Variants in DAGLA observed in about 807,000 individuals in gnomAD.
DAGLA encodes diacylglycerol lipase-alpha.
DAGLA carries 22 observed loss-of-function variants against 102.6 expected under a neutral mutation model. That is an observed-to-expected ratio of 0.21 (90% CI 0.15 to 0.31). The LOEUF (loss-of-function observed/expected upper bound fraction) is 0.31, where lower values mean the gene tolerates loss of function less well. Among genes scored for constraint, DAGLA ranks in the 10% least tolerant of loss-of-function variants. The probability of loss-of-function intolerance (pLI) is 1.00; values close to 1 mark genes in which losing one functional copy is unlikely to be tolerated. For synonymous variants in DAGLA, 578 were observed against 628.9 expected, an observed-to-expected ratio of 0.92 and a Z score of 1.21; for missense variants, 927 against 1,446.6, an observed-to-expected ratio of 0.64 and a Z score of 5.83.
At chr11:61,706,567 G>T (rs912501632) in intron 1 of DAGLA, among the ~76,000 whole-genome samples, 1 of 152,164 alleles carries the variant, frequency 6.6e-6, no homozygotes, top group Admixed American at 6.5e-5. Flanking sequence ...AAACAGGCGG[G>T]GGGTGCACCC....
At chr11:61,682,396 G>A (rs543298707) in intron 1 of DAGLA, among the ~76,000 whole-genome samples, 1 of 152,288 alleles carries the variant, frequency 6.6e-6, no homozygotes, top group Admixed American at 6.5e-5. Flanking sequence ...CCTGTCATAG[G>A]GAATTAGAGG....
intron 19 of DAGLA, among the ~76,000 whole-genome samples, chr11:61,742,068 C>A (rs1261148591): frequency 6.6e-6 from 1 of 152,224 alleles, no homozygotes; most frequent in East Asian, 1.9e-4. Context: ...AAGACACACA[C>A]CAAGACAAAG....
In DAGLA at chr11:61,706,442, G is replaced by A. The variant is rs145514973; in HGVS notation, c.-44-13670G>A. On this transcript the variant is annotated intron_variant, in intron 1 of 19. Transcript: ENST00000257215. ...GAGGTGCAAGTTGGAGGAAGCTCTAGGTTTGGAAGCCATCTCCCTCAGTGT... is the reference window on the plus strand; with the variant it reads ...GAGGTGCAAGTTGGAGGAAGCTCTAAGTTTGGAAGCCATCTCCCTCAGTGT... 2.7e-3 allele frequency among the ~76,000 whole-genome samples: 406 copies of A among 152,340 alleles called. 2 individuals are homozygous for A. Among genetic ancestry groups the A allele is most frequent in the African/African-American group, 9.2e-3 (381 of 41,572 alleles).
intron 10 of DAGLA, 61 bp from the exon 11 acceptor site, chr11:61,735,500 C>T: frequency 2.0e-6 from 3 of 1,486,712 alleles, no homozygotes; most frequent in Non-Finnish European, 2.8e-6. Flanking sequence ...CTGCCTAGGT[C>T]ACTTTCCCTG....
intron 5 of DAGLA, among the ~76,000 whole-genome samples, chr11:61,725,366 A>G (rs2065316606): frequency 6.6e-6 from 1 of 152,184 alleles, no homozygotes; most frequent in Non-Finnish European, 1.5e-5. Flanking sequence ...GGGGGGTGAG[A>G]ATAGACAAGG....
intron 15 of DAGLA, 48 bp from the exon 16 acceptor site, chr11:61,738,087 A>G: frequency 6.6e-7 from 1 of 1,511,064 alleles, no homozygotes. Flanking sequence ...TACCTCTCAT[A>G]GCCGCTGACC....
Position 61,731,489 on chromosome 11 carries a change from G to C in DAGLA, c.974+48G>C, listed in dbSNP as rs755186456. The C allele has an allele frequency of 2.5e-6, 4 of 1,605,736 alleles. No homozygotes were observed. In the South Asian group the frequency reaches 3.3e-5, roughly 13 times the overall value. On this transcript the variant is annotated intron_variant, in intron 9 of 19. Transcript: ENST00000257215. ...CCAGCGATTGCACCTCTCCTCCCGG[G>C]TGGTGTGTGAGGAAGGGCTACCGGG...
At chr11:61,724,333 T>C (rs868175864) in intron 5 of DAGLA, among the ~76,000 whole-genome samples, 3 of 152,166 alleles carry the variant, frequency 2.0e-5, no homozygotes, top group Non-Finnish European at 2.9e-5. Context: ...TACAGTGCAT[T>C]ATGTAAGGAG....
intron 1 of DAGLA, among the ~76,000 whole-genome samples, chr11:61,704,450 T>TA (rs1231447483): frequency 6.6e-6 from 1 of 152,202 alleles, no homozygotes; most frequent in Non-Finnish European, 1.5e-5. Context: ...GGCCAGCTCT[T>TA]ACGCAGAAAG....
chr11:61,710,382 G>A (rs2065184870), intron 1 of DAGLA, among the ~76,000 whole-genome samples: 1 of 152,034 alleles, frequency 6.6e-6, no homozygotes, highest in Non-Finnish European at 1.5e-5. Flanking sequence ...AGGGCATCCT[G>A]CGTTTGAGCT....
At chr11:61,688,900 C>T (rs1020998812) in intron 1 of DAGLA, among the ~76,000 whole-genome samples, 15 of 152,260 alleles carry the variant, frequency 9.9e-5, no homozygotes, top group African/African-American at 3.6e-4. Context: ...GCTTTCTCAT[C>T]AGCTTTACTC....
chr11:61,694,585 T>G lies in DAGLA; in HGVS notation c.-45+14081T>G, dbSNP rs74891250. On this transcript the variant is annotated intron_variant, in intron 1 of 19. Transcript: ENST00000257215. ...GTTGTCAGGTGTCTGCCTTTCATCC[T>G]TTCCTGGCCAAAGCTGCCTTTATTC... Among the ~76,000 whole-genome samples, 907 of 152,320 alleles carry G rather than the reference T, an allele frequency of 6.0e-3. 12 individuals carry two copies. Among genetic ancestry groups the G allele is most frequent in the African/African-American group, 0.021 (884 of 41,574 alleles).
rs189097913 is a variant in DAGLA, at chr11:61,742,604, G to A, written c.2172-928G>A. Among the ~76,000 whole-genome samples the A allele has an allele frequency of 2.2e-4, 34 of 152,330 alleles. No homozygotes were observed. The East Asian group carries it at 6.0e-3, about 27-fold the overall frequency. ...GCACTAGGCTCCCCACCCAGCAGAG[G>A]GCTGCGGCCCATGGGAGACAGGAGG... On this transcript the variant is annotated intron_variant, in intron 19 of 19. Transcript: ENST00000257215.
chr11:61,740,834 T>G (rs578225267), intron 18 of DAGLA, among the ~76,000 whole-genome samples: 3 of 152,318 alleles, frequency 2.0e-5, no homozygotes, highest in African/African-American at 7.2e-5. Context: ...GGCCTGTCCC[T>G]GAGGCAGGCT....
At chr11:61,739,908 C>T (rs1315882419) in intron 17 of DAGLA, among the ~76,000 whole-genome samples, 2 of 152,216 alleles carry the variant, frequency 1.3e-5, no homozygotes, top group South Asian at 2.1e-4. Flanking sequence ...TCAGCCCTTC[C>T]CTGGTGTGCC....
Position 61,741,548 on chromosome 11 carries a change from A to G in DAGLA, c.2171+199A>G, listed in dbSNP as rs117455750. On this transcript the variant is annotated intron_variant, in intron 19 of 19. Coordinates refer to ENST00000257215, the MANE Select transcript of DAGLA (RefSeq NM_006133.3). ...ACAGCCTGCTGTCCCTGAATCCTAC[A>G]TGAGCCAGGGGAGGCACACAGACCC... 3.9e-3 allele frequency among the ~76,000 whole-genome samples: 590 copies of G among 151,286 alleles called. 30 individuals are homozygous for G. The East Asian group carries it at 0.097, about 25-fold the overall frequency.
At position 61,688,783 on chromosome 11, in the gene DAGLA, A is replaced by G. The variant is rs2065004156; in HGVS notation, c.-45+8279A>G. ...CAGACCTCCCCTCACCCCTCAACACATGCGGAAAGCCTTGTGAGGAGGTGA... is the reference window on the plus strand; with the variant it reads ...CAGACCTCCCCTCACCCCTCAACACGTGCGGAAAGCCTTGTGAGGAGGTGA... On this transcript the variant is annotated intron_variant, in intron 1 of 19. Transcript: ENST00000257215. Among the ~76,000 whole-genome samples, 3 of 152,190 alleles carry G rather than the reference A, an allele frequency of 2.0e-5. No individual in the cohort carries two copies. In the South Asian group the frequency reaches 6.2e-4, roughly 31 times the overall value.
chr11:61,744,007 G>A lies in DAGLA; in HGVS notation c.2647G>A (p.Gly883Ser), dbSNP rs758626360. 1 of 1,612,068 alleles carries A rather than the reference G, an allele frequency of 6.2e-7. No individual in the cohort carries two copies. Among genetic ancestry groups the A allele is most frequent in the Admixed American group, 1.7e-5 (1 of 59,990 alleles). Reference sequence around the variant, plus strand: ...GGCCAATGACGAGGAGGAAGAGGTTGGCGGTGGGGGTGGCGGGCCGGCCTC... The same window carrying A: ...GGCCAATGACGAGGAGGAAGAGGTTAGCGGTGGGGGTGGCGGGCCGGCCTC... The part of the protein sequence containing the change: ...AAANDEEEEV[G>S]GGGGGPASRG... Residue 883 changes from glycine to serine, a missense_variant, in exon 20 of 20, where the codon GGC (glycine) becomes AGC (serine). Gly to Ser is a moderately conservative substitution (Grantham distance 56, BLOSUM62 0). This residue lies in a region of DAGLA where 434 missense variants were observed against 503.3 expected (regional missense o/e 0.86). Coordinates refer to ENST00000257215, the MANE Select transcript of DAGLA (RefSeq NM_006133.3).
intron 9 of DAGLA, among the ~76,000 whole-genome samples, chr11:61,733,502 T>C (rs1332254011): frequency 6.6e-6 from 1 of 152,224 alleles, no homozygotes; most frequent in Non-Finnish European, 1.5e-5. Flanking sequence ...ATCACCAGAA[T>C]CCAAGCTTCT....
Sources: gnomAD v4.1 joint callset for allele counts (sites outside exome capture counted in the v4.1 genomes callset) on GRCh38, gnomAD v4.1.1 for gene constraint, gnomAD v4.1.1 regional missense constraint, MANE v1.5 for transcripts, NCBI Gene and HGNC (gene_info 2026-07-23, HGNC 2026-07-21) for gene names.